Variants in GNB4 observed in about 807,000 individuals in gnomAD.
GNB4 encodes the protein guanine nucleotide-binding protein subunit beta-4.
Under a neutral mutation model 45.2 loss-of-function variants are expected in GNB4, and 28 were observed. That is an observed-to-expected ratio of 0.62 (90% CI 0.46 to 0.85). The LOEUF (loss-of-function observed/expected upper bound fraction) is 0.85, where lower values mean the gene tolerates loss of function less well. Among genes scored for constraint, GNB4 ranks in the 40% least tolerant of loss-of-function variants. GNB4 has a pLI of 0.00. For missense variants in GNB4, 321 were observed against 425.4 expected (o/e 0.75, Z 2.16); for synonymous variants, 132 against 143.7 (o/e 0.92, Z 0.58).
intron 1 of GNB4, among the ~76,000 whole-genome samples, chr3:179,441,629 G>A (rs1715595683): frequency 6.6e-6 from 1 of 151,610 alleles, no homozygotes; most frequent in Non-Finnish European, 1.5e-5. Flanking sequence ...GCCGGCGCCT[G>A]TAATCCCAGC....
At chr3:179,452,884 C>A (rs374631663), upstream of GNB4, among the ~76,000 whole-genome samples, 3 of 152,198 alleles carry the variant, frequency 2.0e-5, no homozygotes, top group African/African-American at 7.2e-5. Context: ...TGATTAAATC[C>A]TGAGTTTTAT....
the GNB4 span, among the ~76,000 whole-genome samples, chr3:179,472,910 T>A: frequency 6.6e-6 from 1 of 152,158 alleles, no homozygotes; most frequent in African/African-American, 2.4e-5. Context: ...ACGCCTGTAA[T>A]CCCAGCACTT....
intron 1 of GNB4, among the ~76,000 whole-genome samples, chr3:179,441,751 C>CAAA (rs532127011): frequency 8.1e-6 from 1 of 124,100 alleles, no homozygotes; most frequent in African/African-American, 3.0e-5. Context: ...GACTCCATCT[C>CAAA]AAAAAAAAAA....
At chr3:179,431,556 T>C in intron 1 of GNB4, among the ~76,000 whole-genome samples, 1 of 53,896 alleles carries the variant, frequency 1.9e-5, no homozygotes, top group Non-Finnish European at 3.9e-5. Flanking sequence ...AGACTCTGTC[T>C]CAAAAAAAAA....
intron 2 of GNB4, among the ~76,000 whole-genome samples, chr3:179,425,360 T>A (rs1715111342): frequency 1.3e-5 from 2 of 152,222 alleles, no homozygotes; most frequent in Non-Finnish European, 2.9e-5. Flanking sequence ...GAAGTTCTAG[T>A]GTCTGTTAAT....
the GNB4 span, among the ~76,000 whole-genome samples, chr3:179,514,823 A>G: frequency 6.6e-6 from 1 of 152,222 alleles, no homozygotes; most frequent in African/African-American, 2.4e-5. Context: ...TCTGTTGTTT[A>G]AGCTGCCCAG....
intron 3 of GNB4, among the ~76,000 whole-genome samples, chr3:179,420,449 T>C (rs941419752): frequency 1.3e-4 from 17 of 128,418 alleles, no homozygotes; most frequent in Non-Finnish European, 2.6e-4. Context: ...CTTGAAAATA[T>C]ATATACATAT....
At chr3:179,502,871 G>T in the GNB4 span, among the ~76,000 whole-genome samples, 2 of 152,110 alleles carry the variant, frequency 1.3e-5, no homozygotes, top group African/African-American at 2.4e-5. Flanking sequence ...ATAGAGCCTT[G>T]CTCTGTCATC....
At chr3:179,460,586 T>C in the GNB4 span, among the ~76,000 whole-genome samples, 1 of 152,220 alleles carries the variant, frequency 6.6e-6, no homozygotes. Context: ...TAAAACTTAC[T>C]GTAGATTTGC....
At chr3:179,499,155 C>CTTT in the GNB4 span, among the ~76,000 whole-genome samples, 6 of 111,504 alleles carry the variant, frequency 5.4e-5, no homozygotes, top group Non-Finnish European at 1.1e-4. Context: ...GCCACATTTT[C>CTTT]TTTTTTTTTT....
At chr3:179,450,273 T>C (rs1715834785) in intron 1 of GNB4, among the ~76,000 whole-genome samples, 2 of 152,288 alleles carry the variant, frequency 1.3e-5, no homozygotes, top group Middle Eastern at 3.4e-3. Flanking sequence ...AAATGAACAA[T>C]GGCAGAGACT....
chr3:179,485,273 A>C, the GNB4 span, among the ~76,000 whole-genome samples: 1 of 151,894 alleles, frequency 6.6e-6, no homozygotes. Flanking sequence ...CGGCCTCCCA[A>C]AGTGCTGGGA....
At chr3:179,415,091 C>A in intron 5 of GNB4, 44 bp from the exon 6 acceptor site, 1 of 1,424,820 alleles carries the variant, frequency 7.0e-7, no homozygotes, top group South Asian at 1.6e-5. Context: ...CAAAAACAGT[C>A]ATCTATTGCA....
At chr3:179,445,018 G>T (rs1365645402) in intron 1 of GNB4, among the ~76,000 whole-genome samples, 1 of 151,780 alleles carries the variant, frequency 6.6e-6, no homozygotes, top group East Asian at 1.9e-4. Flanking sequence ...TCAAGCCATT[G>T]CTAAGTGTTG....
At chr3:179,488,984 CAAAAAAAAAAAAAAAAA>C in the GNB4 span, among the ~76,000 whole-genome samples, 362 of 18,566 alleles carry the variant, frequency 0.019, 8 homozygotes, top group Middle Eastern at 0.038. Context: ...ATCCTGTATC[CAAAAAAAAAAAAAAAAA>C]AAAAAAAAAA....
chr3:179,418,921 C>G (rs941162389), intron 4 of GNB4, among the ~76,000 whole-genome samples: 2 of 152,260 alleles, frequency 1.3e-5, no homozygotes, highest in African/African-American at 4.8e-5. Context: ...CTTGCACATT[C>G]AAGCACACAC....
chr3:179,515,748 G>A, the GNB4 span, among the ~76,000 whole-genome samples: 1 of 152,062 alleles, frequency 6.6e-6, no homozygotes, highest in African/African-American at 2.4e-5. Context: ...TGAAGTGTTG[G>A]GGCAGCAAAA....
chr3:179,473,389 T>C, the GNB4 span, among the ~76,000 whole-genome samples: 1 of 152,144 alleles, frequency 6.6e-6, no homozygotes, highest in Non-Finnish European at 1.5e-5. Context: ...AATTTCCTCC[T>C]GAAGCAACTT....
At chr3:179,437,282 T>C (rs1453816863) in intron 1 of GNB4, among the ~76,000 whole-genome samples, 1 of 151,742 alleles carries the variant, frequency 6.6e-6, no homozygotes, top group Non-Finnish European at 1.5e-5. Flanking sequence ...TCATATGAGG[T>C]AGGAAAAAAA....
Sources: gnomAD v4.1 joint callset for allele counts (sites outside exome capture counted in the v4.1 genomes callset) on GRCh38, gnomAD v4.1.1 for gene constraint, MANE v1.5 for transcripts, NCBI Gene and HGNC (gene_info 2026-07-23, HGNC 2026-07-21) for gene names.